MARK2: variants seen among roughly 807,000 people sequenced by gnomAD.
The protein encoded by MARK2 is serine/threonine-protein kinase MARK2.
MARK2 carries 16 observed loss-of-function variants against 89.8 expected under a neutral mutation model. That is an observed-to-expected ratio of 0.18 (90% CI 0.12 to 0.27). The LOEUF is 0.27. Among genes scored for constraint, MARK2 ranks in the 10% least tolerant of loss-of-function variants. The probability of loss-of-function intolerance (pLI) is 1.00; values close to 1 mark genes in which losing one functional copy is unlikely to be tolerated. For synonymous variants in MARK2, 382 were observed against 399.5 expected (o/e 0.96, Z 0.52); for missense variants, 621 against 1,049.9 (o/e 0.59, Z 5.65).
At chr11:63,840,204 CCTT>C (rs142031041) in intron 1 of MARK2, among the ~76,000 whole-genome samples, 2,761 of 152,268 alleles carry the variant, frequency 0.018, 40 homozygotes, top group Middle Eastern at 0.048. Context: ...CATCACTTTC[CCTT>C]CTTTGCTCCA....
At chr11:63,859,333 T>C (rs1205675299) in intron 1 of MARK2, among the ~76,000 whole-genome samples, 31 of 151,514 alleles carry the variant, frequency 2.0e-4, no homozygotes, top group Admixed American at 2.6e-4. Flanking sequence ...TTTTTTTTTT[T>C]CCCCGAGAAG....
chr11:63,899,801 C>T lies in MARK2; in HGVS notation c.532-73C>T, dbSNP rs1365989020. 1.5e-5 allele frequency: 14 copies of T among 960,080 alleles called. No homozygotes were observed. In the Admixed American group the frequency reaches 2.5e-4, roughly 17 times the overall value. The allele number at this position is 960,080 out of a possible 1,614,324, so 59.5% of individuals were successfully genotyped here. On this transcript the variant is annotated intron_variant, in intron 7 of 18. Coordinates refer to ENST00000402010, the MANE Select transcript of MARK2 (RefSeq NM_001039469.3). The stretch of plus-strand genomic sequence containing the variant: ...GACTTTCCGTTTGTTCTCCCATTCC[C>T]CTCAGCTCCTTCCTGCCCAGGGCCT...
Position 63,904,931 on chromosome 11 carries a change from C to G in MARK2, c.1822C>G (p.Gln608Glu). The part of the protein sequence containing the change: ...HAGQLRQVRD[Q>E]QNLPYGVTPA... ...TGGGCAGCTCCGACAGGTGCGGGAC[C>G]AGCAGAATTTGCCCTACGGTGTGAC... Residue 608 changes from glutamine to glutamate, a missense_variant, in exon 16 of 19, where the codon CAG (glutamine) becomes GAG (glutamate). By Grantham distance (29) the Gln-to-Glu change is conservative. This residue lies in a region of MARK2 where 397 missense variants were observed against 567.8 expected (regional missense o/e 0.70). Coordinates refer to ENST00000402010, the MANE Select transcript of MARK2 (RefSeq NM_001039469.3). This position sits in a 1 kb window ranked among gnomAD's most constrained non-coding sequence, Gnocchi z 6.3. The G allele has an allele frequency of 1.3e-5, 21 of 1,614,238 alleles. No individual in the cohort carries two copies. The highest frequency in any genetic ancestry group is 1.8e-5 in the Non-Finnish European group (21 of 1,180,038).
At chr11:63,881,494 T>C (rs72934152) in intron 1 of MARK2, among the ~76,000 whole-genome samples, 6,345 of 152,172 alleles carry the variant, frequency 0.042, 200 homozygotes, top group Non-Finnish European at 0.064. Flanking sequence ...TGGGCAACTT[T>C]AAAGATCAAA....
At chr11:63,879,316 A>AACTCTGTCT (rs778630935) in intron 1 of MARK2, among the ~76,000 whole-genome samples, 1 of 152,136 alleles carries the variant, frequency 6.6e-6, no homozygotes, top group Admixed American at 6.5e-5. Context: ...CAAAAAAAAA[A>AACTCTGTCT]CATTTAAAAA....
chr11:63,878,522 A>G (rs1458490354), intron 1 of MARK2, among the ~76,000 whole-genome samples: 2 of 151,660 alleles, frequency 1.3e-5, no homozygotes, highest in Non-Finnish European at 2.9e-5. Flanking sequence ...GGTGCCCACC[A>G]CCACGCCCGG....
At chr11:63,895,745 C>G (rs1940340670) in intron 3 of MARK2, 112 bp downstream of exon 3, 1 of 933,208 alleles carries the variant, frequency 1.1e-6, no homozygotes, top group Non-Finnish European at 1.7e-6. Flanking sequence ...TCTCGGCTCA[C>G]TGCAACCTCC....
chr11:63,897,538 T>C (rs561873501), intron 3 of MARK2, among the ~76,000 whole-genome samples: 2 of 152,326 alleles, frequency 1.3e-5, no homozygotes, highest in African/African-American at 4.8e-5. Context: ...TGATGAGGCC[T>C]GAAATTACAA....
At chr11:63,868,612 G>T in intron 1 of MARK2, 2 of 354,146 alleles carry the variant, frequency 5.6e-6, no homozygotes, top group South Asian at 4.2e-5. Context: ...TGAGGAAATC[G>T]TCTGGCTTCC....
chr11:63,898,364 T>G, intron 4 of MARK2, 84 bp downstream of exon 4: 492 of 1,164,068 alleles, frequency 4.2e-4, no homozygotes, highest in Non-Finnish European at 5.9e-4. Context: ...CGAGGTGCAC[T>G]GCCTTCTGGA....
Position 63,839,146 on chromosome 11 carries a change from G to C in MARK2, c.-361G>C, listed in dbSNP as rs2015872067. ...CGGCCATGTTGGGAGCAGCAGGTCCGGCGGCGGCTGCCTGTGTGCCGGGCG... is the reference window on the plus strand; with the variant it reads ...CGGCCATGTTGGGAGCAGCAGGTCCCGCGGCGGCTGCCTGTGTGCCGGGCG... On this transcript the variant is annotated 5_prime_UTR_variant, in exon 1 of 19. Coordinates refer to ENST00000402010, the MANE Select transcript of MARK2 (RefSeq NM_001039469.3). The C allele has an allele frequency of 5.1e-6, 1 of 195,246 alleles. No homozygotes were observed. The highest frequency in any genetic ancestry group is 1.0e-5 in the Non-Finnish European group (1 of 97,618). The allele number at this position is 195,246 out of a possible 1,614,324, so 12.1% of individuals were successfully genotyped here. A position where few individuals can be genotyped will look rare whatever the true frequency, so the allele number is the denominator to read the frequency against.
rs1319111603 is a variant in MARK2, at chr11:63,903,544, C to G, written c.1514+386C>G. 2 of 286,026 alleles carry G rather than the reference C, an allele frequency of 7.0e-6. No homozygotes were observed. Among genetic ancestry groups the G allele is most frequent in the African/African-American group, 4.4e-5 (2 of 45,578 alleles). 17.7% of individuals were successfully genotyped at this position (286,026 alleles called of 1,614,324 possible). A position where few individuals can be genotyped will look rare whatever the true frequency, so the allele number is the denominator to read the frequency against. On this transcript the variant is annotated intron_variant, in intron 14 of 18. Coordinates refer to ENST00000402010, the MANE Select transcript of MARK2 (RefSeq NM_001039469.3). The surrounding 1 kb of genome is among the most constrained non-coding windows in gnomAD (Gnocchi z 5.1). ...AGGGGTGTACACATAGAGGGCGACT[C>G]CAGCCATCCCCATGAGACCAGAGCT...
intron 1 of MARK2, among the ~76,000 whole-genome samples, chr11:63,873,412 T>C (rs1292987224): frequency 1.3e-5 from 2 of 152,172 alleles, no homozygotes; most frequent in African/African-American, 2.4e-5. Context: ...GAGTGGTAGC[T>C]GCTCCTTTGA....
chr11:63,845,305 T>C (rs1226712738), intron 1 of MARK2, among the ~76,000 whole-genome samples: 1 of 152,146 alleles, frequency 6.6e-6, no homozygotes, highest in African/African-American at 2.4e-5. Flanking sequence ...TTTCCCCACT[T>C]TCCCATCAAA....
intron 1 of MARK2, among the ~76,000 whole-genome samples, chr11:63,892,001 C>T (rs1418966951): frequency 6.6e-6 from 1 of 152,208 alleles, no homozygotes; most frequent in African/African-American, 2.4e-5. Context: ...TTTAAAAATC[C>T]ACTTGTCTTG....
intron 1 of MARK2, among the ~76,000 whole-genome samples, chr11:63,886,041 G>A (rs1939376610): frequency 6.7e-6 from 1 of 148,470 alleles, no homozygotes. Context: ...AGGCAGGAGA[G>A]TTACTTGAAC....
At chr11:63,873,012 A>G (rs181073088) in intron 1 of MARK2, among the ~76,000 whole-genome samples, 1 of 150,596 alleles carries the variant, frequency 6.6e-6, no homozygotes, top group East Asian at 2.0e-4. Context: ...GGGGCGCATG[A>G]GTATGTGAAC....
rs372071031 is a variant in MARK2, at chr11:63,852,685, A to G, written c.54+13125A>G. ...TGTAAATAAGAACTAAAAAAAAAAA[A>G]AAAGAAAAGAAATGAAAGTGTAATG... On this transcript the variant is annotated intron_variant, in intron 1 of 18. Coordinates refer to ENST00000402010, the MANE Select transcript of MARK2 (RefSeq NM_001039469.3). 9.2e-5 allele frequency among the ~76,000 whole-genome samples: 14 copies of G among 151,626 alleles called. No homozygotes were observed. The South Asian group carries it at 2.5e-3, about 27-fold the overall frequency.
In MARK2 at chr11:63,884,479, T is replaced by C. The variant is rs1368857266; in HGVS notation, c.55-10680T>C. 3.9e-5 allele frequency among the ~76,000 whole-genome samples: 6 copies of C among 152,208 alleles called. No individual in the cohort carries two copies. In the East Asian group the frequency reaches 1.2e-3, roughly 29 times the overall value. ...CAGTGCTGATCTCCCTGCCTTGTGG[T>C]GAGGATTGCAGCTCAGAGAGCTAAA... On this transcript the variant is annotated intron_variant, in intron 1 of 18. Coordinates refer to ENST00000402010, the MANE Select transcript of MARK2 (RefSeq NM_001039469.3).
Sources: allele counts gnomAD v4.1 joint callset (sites outside exome capture counted in the v4.1 genomes callset), GRCh38; gene constraint gnomAD v4.1.1; regional missense constraint gnomAD v4.1.1; non-coding constraint Gnocchi (gnomAD v3.1); transcripts MANE v1.5; gene names NCBI Gene and HGNC (gene_info 2026-07-23, HGNC 2026-07-21).